Variants in PRDM2 observed in about 807,000 individuals in gnomAD.
The protein encoded by PRDM2 is PR/SET domain 2, also known as PR domain zinc finger protein 2.
Under a neutral mutation model 130.0 loss-of-function variants are expected in PRDM2, and 30 were observed. The ratio of observed to expected loss-of-function variants is 0.23; its 90% CI spans 0.17 to 0.31. The LOEUF (loss-of-function observed/expected upper bound fraction) is 0.31, where lower values mean the gene tolerates loss of function less well. Ranked by LOEUF, PRDM2 falls within the 10% of genes least tolerant of loss-of-function variation. The probability of loss-of-function intolerance (pLI) is 1.00; values close to 1 mark genes in which losing one functional copy is unlikely to be tolerated. For synonymous variants in PRDM2, 871 were observed against 782.4 expected (o/e 1.11, Z -1.89); for missense variants, 2,011 against 2,108.4 (o/e 0.95, Z 0.90).
chr1:13,741,920 G>A lies in PRDM2; in HGVS notation c.232-85G>A, dbSNP rs776270462. The A allele has an allele frequency of 4.7e-5, 53 of 1,132,226 alleles. No individual in the cohort carries two copies. In the South Asian group the frequency reaches 6.7e-4, roughly 14 times the overall value. 70.1% of individuals were successfully genotyped at this position (1,132,226 alleles called of 1,614,324 possible). On this transcript the variant is annotated intron_variant, in intron 4 of 9. Transcript: ENST00000311066. ...TAGAGTACTTGCATATAATGAAAAAGAATTATCCTTAAAAGTTAAAAATGG... is the reference window on the plus strand; with the variant it reads ...TAGAGTACTTGCATATAATGAAAAAAAATTATCCTTAAAAGTTAAAAATGG...
chr1:13,721,392 A>G (rs553198074), intron 2 of PRDM2, among the ~76,000 whole-genome samples: 40 of 151,956 alleles, frequency 2.6e-4, no homozygotes, highest in African/African-American at 9.6e-4. Flanking sequence ...GTTTTATCAT[A>G]TTATTAATAT....
rs1644169595 is a variant in PRDM2 at position 13,764,183 on chromosome 1, C to T, written c.512-8895C>T. On this transcript the variant is annotated intron_variant, in intron 6 of 9. Transcript: ENST00000311066. The stretch of plus-strand genomic sequence containing the variant: ...CTGTCTCTTCTGTTTTCAGGGTTGC[C>T]AGGTACTGGAAATGCACCTCCTCTA... Among the ~76,000 whole-genome samples the T allele has an allele frequency of 2.0e-5, 3 of 152,100 alleles. No individual in the cohort carries two copies. The South Asian group carries it at 6.2e-4, about 31-fold the overall frequency.
chr1:13,780,573 C>T lies in PRDM2; in HGVS notation c.2778C>T (p.Asp926=), dbSNP rs778560026. Residue 926 remains aspartate (D), a synonymous_variant, in exon 8 of 10, where the codon GAC becomes GAT. Transcript: ENST00000311066. ...CKSLEAQPDP[D]LGPGSGFPAP... Reference sequence around the variant, plus strand: ...CCCTAGAAGCTCAGCCAGATCCTGACCTCGGTCCGGGCTCTGGTTTCCCTG... The same window carrying T: ...CCCTAGAAGCTCAGCCAGATCCTGATCTCGGTCCGGGCTCTGGTTTCCCTG... 3 of 1,614,160 alleles carry T rather than the reference C, an allele frequency of 1.9e-6. No homozygotes were observed. The highest frequency in any genetic ancestry group is 2.5e-6 in the Non-Finnish European group (3 of 1,180,022).
chr1:13,813,934 C>T (rs1645215971), intron 8 of PRDM2, among the ~76,000 whole-genome samples: 1 of 152,212 alleles, frequency 6.6e-6, no homozygotes, highest in Non-Finnish European at 1.5e-5. Context: ...TGTGATTGAT[C>T]TGGCTTTTGG....
At chr1:13,763,826 G>A (rs1444843357) in intron 6 of PRDM2, among the ~76,000 whole-genome samples, 4 of 151,982 alleles carry the variant, frequency 2.6e-5, no homozygotes, top group Non-Finnish European at 5.9e-5. Context: ...CTCTCTCACT[G>A]GGAGCCACCT....
chr1:13,771,814 A>G lies in PRDM2; in HGVS notation c.512-1264A>G, dbSNP rs1246482507. 6.6e-6 allele frequency: 1 copy of G among 152,208 alleles called. No individual in the cohort carries two copies. The highest frequency in any genetic ancestry group is 1.5e-5 in the Non-Finnish European group (1 of 68,030). 9.4% of individuals were successfully genotyped at this position (152,208 alleles called of 1,614,324 possible). On this transcript the variant is annotated intron_variant, in intron 6 of 9. Transcript: ENST00000311066. The surrounding 1 kb of genome is among the most constrained non-coding windows in gnomAD (Gnocchi z 4.1). ...AACAAGCAAAATGACTGTTAAGGTTATGTCTCAAATTTTTGTCAAAATCTG... is the reference window on the plus strand; with the variant it reads ...AACAAGCAAAATGACTGTTAAGGTTGTGTCTCAAATTTTTGTCAAAATCTG...
intron 3 of PRDM2, 25 bp from the exon 4 acceptor site, chr1:13,732,754 T>C (rs997780680): frequency 4.7e-6 from 7 of 1,475,244 alleles, no homozygotes; most frequent in Non-Finnish European, 6.5e-6. Context: ...TGATACATTA[T>C]AAAAATACTG....
rs1482180184 is a variant in PRDM2, at chr1:13,705,217, A to G, written c.-66+4917A>G. ...TTGTCTCTTACTATTTGTAAAGTGA[A>G]GACTATGATTAGTCTTTTTGATCGG... is the stretch of plus-strand genomic sequence containing the variant. On this transcript the variant is annotated intron_variant, in intron 1 of 9. Transcript: ENST00000311066. 1.2e-4 allele frequency: 18 copies of G among 152,206 alleles called. 1 individual carries two copies. The highest frequency in any genetic ancestry group is 1.2e-3 in the Admixed American group (18 of 15,276). The allele number at this position is 152,206 out of a possible 1,614,324, so 9.4% of individuals were successfully genotyped here.
intron 8 of PRDM2, 59 bp downstream of exon 8, chr1:13,782,890 G>A (rs532637638): frequency 1.8e-4 from 292 of 1,596,706 alleles, no homozygotes; most frequent in South Asian, 4.9e-4. Context: ...CCTTGCCTAC[G>A]GGTGTTTTTT....
chr1:13,752,802 T>C lies in PRDM2; in HGVS notation c.511+3315T>C, dbSNP rs561933544. Among the ~76,000 whole-genome samples, 5 of 152,288 alleles carry C rather than the reference T, an allele frequency of 3.3e-5. No individual in the cohort carries two copies. In the South Asian group the frequency reaches 1.0e-3, roughly 32 times the overall value. ...TGGGCGTTTACCAGGTGTGCGATCT[T>C]GGACAGCTCATGTCACCTTTCTGAG... is the stretch of plus-strand genomic sequence containing the variant. On this transcript the variant is annotated intron_variant, in intron 6 of 9. Transcript: ENST00000311066.
chr1:13,758,836 C>A (rs1428796586), intron 6 of PRDM2, among the ~76,000 whole-genome samples: 1 of 151,982 alleles, frequency 6.6e-6, no homozygotes. Context: ...AAAGTACATA[C>A]CATTTTTTAT....
Position 13,778,404 on chromosome 1 carries a change from C to T in PRDM2, c.623-14C>T. ...TGCTTCACTTCCATGCTTCTGCTTCCATGTGCTTTCTAGGTCCTAAAGAAG... is the reference window on the plus strand; with the variant it reads ...TGCTTCACTTCCATGCTTCTGCTTCTATGTGCTTTCTAGGTCCTAAAGAAG... On this transcript the variant is annotated splice_polypyrimidine_tract_variant and intron_variant, in intron 7 of 9. Transcript: ENST00000311066. 6.4e-7 allele frequency: 1 copy of T among 1,572,218 alleles called. No individual in the cohort carries two copies. The highest frequency in any genetic ancestry group is 8.6e-7 in the Non-Finnish European group (1 of 1,163,256).
At chr1:13,738,319 A>T (rs1643333102) in intron 4 of PRDM2, among the ~76,000 whole-genome samples, 1 of 152,152 alleles carries the variant, frequency 6.6e-6, no homozygotes. Context: ...AAAATTTTGC[A>T]TGTTACTTAT....
intron 5 of PRDM2, among the ~76,000 whole-genome samples, 199 bp from the exon 6 acceptor site, chr1:13,749,162 C>T (rs548112868): frequency 3.2e-4 from 48 of 151,914 alleles, no homozygotes; most frequent in African/African-American, 1.1e-3. Context: ...CGGGTGCGGT[C>T]CTCCCTCCAG....
intron 3 of PRDM2, among the ~76,000 whole-genome samples, chr1:13,732,234 G>A (rs979646075): frequency 7.2e-5 from 11 of 152,146 alleles, no homozygotes; most frequent in African/African-American, 9.7e-5. Flanking sequence ...AAAGTGAGCC[G>A]TTCCAGTAGC....
At chr1:13,769,435 A>G (rs1644307327) in intron 6 of PRDM2, among the ~76,000 whole-genome samples, 3 of 152,082 alleles carry the variant, frequency 2.0e-5, no homozygotes, top group African/African-American at 7.2e-5. Context: ...TGTGGGCAGG[A>G]CCCCTGGTTC....
chr1:13,820,686 C>T (rs1230128636), intron 9 of PRDM2, among the ~76,000 whole-genome samples: 1 of 151,442 alleles, frequency 6.6e-6, no homozygotes, highest in Non-Finnish European at 1.5e-5. Flanking sequence ...GTAGAGGTCG[C>T]CCATCCCGGC....
rs199891468 is a variant in PRDM2, at chr1:13,743,427, G to T, written c.384+1270G>T. Among the ~76,000 whole-genome samples the T allele has an allele frequency of 1.2e-4, 13 of 105,008 alleles. No individual in the cohort carries two copies. In the South Asian group the frequency reaches 3.5e-3, roughly 28 times the overall value. The allele number at this position is 105,008 out of a possible 152,430, so 68.9% of individuals were successfully genotyped here. A position where few individuals can be genotyped will look rare whatever the true frequency, so the allele number is the denominator to read the frequency against. On this transcript the variant is annotated intron_variant, in intron 5 of 9. Coordinates refer to ENST00000311066, the MANE Select transcript of PRDM2 (RefSeq NM_001393986.1). The stretch of plus-strand genomic sequence containing the variant: ...AAAAAAAAAAAAAAAAAAAAAAAAA[G>T]ACAGATCCTCACATTATACATGGAG...
intron 9 of PRDM2, among the ~76,000 whole-genome samples, chr1:13,820,539 C>T (rs1046509275): frequency 2.6e-5 from 4 of 152,240 alleles, no homozygotes; most frequent in Non-Finnish European, 2.9e-5. Context: ...AAGGGACAGC[C>T]TCTCACCTGT....
Sources: gnomAD v4.1 joint callset for allele counts (sites outside exome capture counted in the v4.1 genomes callset) on GRCh38, gnomAD v4.1.1 for gene constraint, Gnocchi (gnomAD v3.1) non-coding constraint, MANE v1.5 for transcripts, NCBI Gene and HGNC (gene_info 2026-07-23, HGNC 2026-07-21) for gene names.